Variants in ITPK1 observed in about 807,000 individuals in gnomAD.
ITPK1 encodes the protein inositol-tetrakisphosphate 1-kinase.
ITPK1 carries 21 observed loss-of-function variants against 45.3 expected under a neutral mutation model. The ratio of observed to expected loss-of-function variants is 0.46; its 90% confidence interval spans 0.33 to 0.67. The LOEUF is 0.67. ITPK1 is among the 30% of genes least tolerant of loss of function. ITPK1 has a pLI of 0.02. For missense variants in ITPK1, 474 were observed against 573.5 expected (o/e 0.83, Z 1.77); for synonymous variants, 258 against 253.6 (o/e 1.02, Z -0.16).
chr14:92,971,032 C>G (rs1291098735), intron 5 of ITPK1, among the ~76,000 whole-genome samples: 1 of 152,158 alleles, frequency 6.6e-6, no homozygotes, highest in Non-Finnish European at 1.5e-5. Flanking sequence ...CTTTCTTTCC[C>G]CTCCCAGCAC....
At chr14:93,002,306 A>C (rs1887393634) in intron 4 of ITPK1, among the ~76,000 whole-genome samples, 1 of 152,180 alleles carries the variant, frequency 6.6e-6, no homozygotes, top group South Asian at 2.1e-4. Context: ...ACGACATTGC[A>C]CTCAGCCGGG....
intron 3 of ITPK1, chr14:93,068,338 T>G (rs955871036): frequency 6.6e-6 from 1 of 152,230 alleles, no homozygotes; most frequent in Non-Finnish European, 1.5e-5. Context: ...AAACACTGTG[T>G]GCAGAGCCAG....
At chr14:93,103,580 G>A (rs76556972) in intron 2 of ITPK1, among the ~76,000 whole-genome samples, 1 of 152,142 alleles carries the variant, frequency 6.6e-6, no homozygotes, top group Admixed American at 6.5e-5. Flanking sequence ...GCTCACTGCT[G>A]TATCAATCCC....
chr14:92,981,794 C>A (rs917767905), intron 5 of ITPK1, among the ~76,000 whole-genome samples: 3 of 152,200 alleles, frequency 2.0e-5, no homozygotes, highest in African/African-American at 7.2e-5. Context: ...GCGATGAGGG[C>A]AGCAAAGGGT....
chr14:93,013,260 T>C (rs1888004921), intron 4 of ITPK1, among the ~76,000 whole-genome samples: 1 of 152,098 alleles, frequency 6.6e-6, no homozygotes, highest in Non-Finnish European at 1.5e-5. Context: ...AGCCAAGCCA[T>C]TTAGAAGCCA....
chr14:92,980,261 A>C (rs1036333240), intron 5 of ITPK1, among the ~76,000 whole-genome samples: 1 of 152,174 alleles, frequency 6.6e-6, no homozygotes, highest in Non-Finnish European at 1.5e-5. Context: ...CACAAAGAGA[A>C]CACCACCCAG....
intron 7 of ITPK1, among the ~76,000 whole-genome samples, chr14:92,961,606 C>A (rs1470484691): frequency 4.6e-5 from 7 of 152,190 alleles, no homozygotes; most frequent in African/African-American, 1.7e-4. Context: ...TCATGTGGGC[C>A]CAGCCCGGTG....
At chr14:92,945,876 T>C (rs986640635) in intron 10 of ITPK1, among the ~76,000 whole-genome samples, 6 of 152,164 alleles carry the variant, frequency 3.9e-5, no homozygotes, top group Non-Finnish European at 7.4e-5. Flanking sequence ...TTCAGGGTGG[T>C]GGAGGCAACG....
At chr14:92,971,475 T>C (rs1277865900) in intron 5 of ITPK1, among the ~76,000 whole-genome samples, 2 of 152,212 alleles carry the variant, frequency 1.3e-5, no homozygotes, top group Non-Finnish European at 2.9e-5. Flanking sequence ...GTTTAAACCC[T>C]GGCACTAGCA....
At chr14:93,093,913 A>G (rs1436491250) in intron 2 of ITPK1, among the ~76,000 whole-genome samples, 2 of 152,230 alleles carry the variant, frequency 1.3e-5, no homozygotes, top group Admixed American at 6.5e-5. Context: ...CCAAGCGTGT[A>G]CAATGATGGC....
At chr14:92,987,207 C>T (rs1886531217) in intron 5 of ITPK1, among the ~76,000 whole-genome samples, 1 of 152,100 alleles carries the variant, frequency 6.6e-6, no homozygotes, top group Non-Finnish European at 1.5e-5. Context: ...TCTCCAGGGA[C>T]CCCTGCTGCA....
chr14:92,998,158 C>T (rs1193863474), intron 4 of ITPK1, among the ~76,000 whole-genome samples: 3 of 152,170 alleles, frequency 2.0e-5, no homozygotes, highest in African/African-American at 7.2e-5. Flanking sequence ...TAAAGCCTAC[C>T]GGAGGCAGCT....
intron 3 of ITPK1, among the ~76,000 whole-genome samples, chr14:93,072,502 T>C (rs1359132856): frequency 6.6e-6 from 1 of 152,104 alleles, no homozygotes; most frequent in Non-Finnish European, 1.5e-5. Flanking sequence ...AACCACTTAT[T>C]CAAATTTAAA....
intron 5 of ITPK1, 27 bp downstream of exon 5, chr14:92,993,853 C>T (rs368291579): frequency 2.5e-5 from 36 of 1,457,248 alleles, no homozygotes; most frequent in Admixed American, 1.3e-4. Context: ...CTGCCTGCCA[C>T]GGATGTGGTG....
In ITPK1 at chr14:93,095,167, C is replaced by G. The variant is rs375625547; in HGVS notation, c.96-18548G>C. On this transcript the variant is annotated intron_variant, in intron 2 of 10. Coordinates refer to ENST00000267615, the MANE Select transcript of ITPK1 (RefSeq NM_014216.6). ...AGCACCCCGCATGGTGTCTGAAACCCAGACCACAGCACCACCTACATACCA... is the reference window on the plus strand; with the variant it reads ...AGCACCCCGCATGGTGTCTGAAACCGAGACCACAGCACCACCTACATACCA... Among the ~76,000 whole-genome samples, 10 of 152,258 alleles carry G rather than the reference C, an allele frequency of 6.6e-5. No individual in the cohort carries two copies. The East Asian group carries it at 1.7e-3, about 26-fold the overall frequency.
intron 6 of ITPK1, 93 bp downstream of exon 6, chr14:92,962,658 T>C: frequency 1.0e-6 from 1 of 996,880 alleles, no homozygotes; most frequent in Non-Finnish European, 1.6e-6. Context: ...CGGGTGAGCT[T>C]AAATCCAGAG....
intron 3 of ITPK1, among the ~76,000 whole-genome samples, chr14:93,056,679 CCACCT>C (rs1324768917): frequency 2.0e-5 from 3 of 152,200 alleles, no homozygotes; most frequent in Non-Finnish European, 4.4e-5. Flanking sequence ...ACCTTCTATA[CCACCT>C]CAGAGCAGTG....
intron 2 of ITPK1, among the ~76,000 whole-genome samples, chr14:93,105,549 G>T (rs1892486457): frequency 7.1e-6 from 1 of 139,932 alleles, no homozygotes; most frequent in African/African-American, 2.7e-5. Flanking sequence ...TGGAGACGGA[G>T]TCTTGCTCTG....
In ITPK1 at chr14:92,941,436, A is replaced by G; in HGVS notation, c.*125T>C. The G allele has an allele frequency of 7.0e-7, 1 of 1,419,130 alleles. No homozygotes were observed. Among genetic ancestry groups the G allele is most frequent in the Non-Finnish European group, 9.1e-7 (1 of 1,093,716 alleles). 87.9% of individuals were successfully genotyped at this position (1,419,130 alleles called of 1,614,324 possible). ...GATCATGACATCAGAGAATCAGGTT[A>G]AAAATTAAAAAACAGAAGAATCAGA... On this transcript the variant is annotated 3_prime_UTR_variant, in exon 11 of 11. Transcript: ENST00000267615.
Sources: gnomAD v4.1 joint callset for allele counts (sites outside exome capture counted in the v4.1 genomes callset) on GRCh38, gnomAD v4.1.1 for gene constraint, MANE v1.5 for transcripts, NCBI Gene and HGNC (gene_info 2026-07-23, HGNC 2026-07-21) for gene names.